The following SNX29 variants were observed in gnomAD, a reference collection of about 807,000 sequenced individuals.
SNX29 encodes sorting nexin-29.
SNX29 carries 78 observed loss-of-function variants against 102.1 expected under a neutral mutation model. That is an observed-to-expected ratio of 0.76 (90% CI 0.64 to 0.92). The LOEUF (loss-of-function observed/expected upper bound fraction) is 0.92. Ranked by LOEUF, SNX29 falls within the 40% of genes least tolerant of loss-of-function variation. The pLI, the probability that SNX29 is intolerant of heterozygous loss-of-function variation, is 0.00. For synonymous variants in SNX29, 580 were observed against 414.5 expected (o/e 1.40, Z -4.85); for missense variants, 1,280 against 1,061.7 (o/e 1.21, Z -2.86).
At position 12,570,299 on chromosome 16, in the gene SNX29, G is replaced by A. The variant is rs1342070573; in HGVS notation, c.*1670G>A. The stretch of plus-strand genomic sequence containing the variant: ...CCTGCAGTCAGTTTGCGAGTGTGGA[G>A]GACCCGAGACATCCTGTAAAGGCAA... On this transcript the variant is annotated 3_prime_UTR_variant, in exon 21 of 21. Coordinates refer to ENST00000566228, the MANE Select transcript of SNX29 (RefSeq NM_032167.5). 4.8e-6 allele frequency: 5 copies of A among 1,047,244 alleles called. No individual in the cohort carries two copies. The highest frequency in any genetic ancestry group is 5.8e-6 in the Non-Finnish European group (5 of 863,090). 64.9% of individuals were successfully genotyped at this position (1,047,244 alleles called of 1,614,324 possible). A position where few individuals can be genotyped will look rare whatever the true frequency, so the allele number is the denominator to read the frequency against.
chr16:12,546,623 G>A (rs1303464199), intron 20 of SNX29: 2 of 152,158 alleles, frequency 1.3e-5, no homozygotes, highest in African/African-American at 2.4e-5. Flanking sequence ...ATGCCAGATT[G>A]ATCTATTGAT....
rs747419582 is a variant in SNX29 at position 12,027,389 on chromosome 16, A to C, written c.192A>C (p.Ala64=). 6.2e-7 allele frequency: 1 copy of C among 1,614,080 alleles called. No individual in the cohort carries two copies. The highest frequency in any genetic ancestry group is 8.5e-7 in the Non-Finnish European group (1 of 1,180,000). ...GCTTGAAGAGGAGTCGAGGATTGGC[A>C]CTCACAGCGGCAGCGATCAAGCAGG... ...QHGLKRSRGL[A]LTAAAIKQAA... is the part of the protein sequence containing the mutation. The change falls in exon 4 of 21, where the codon GCA becomes GCC. Residue 64 remains alanine, a synonymous_variant. Coordinates refer to ENST00000566228, the MANE Select transcript of SNX29 (RefSeq NM_032167.5).
chr16:12,162,546 A>G (rs183884815), intron 13 of SNX29, among the ~76,000 whole-genome samples: 7 of 152,382 alleles, frequency 4.6e-5, no homozygotes, highest in Non-Finnish European at 7.3e-5. Context: ...GTGTTCCACT[A>G]AAACTTCATT....
chr16:12,243,141 C>T (rs557368158), intron 14 of SNX29, among the ~76,000 whole-genome samples: 5 of 152,376 alleles, frequency 3.3e-5, no homozygotes, highest in African/African-American at 1.2e-4. Flanking sequence ...CTCGCTCTTT[C>T]TGTATCTTTC....
intron 20 of SNX29, among the ~76,000 whole-genome samples, chr16:12,558,286 T>C (rs1196143361): frequency 2.0e-5 from 3 of 152,140 alleles, no homozygotes; most frequent in Admixed American, 6.5e-5. Flanking sequence ...GAGCCAGCTC[T>C]GAAACGCGAG....
chr16:12,309,621 T>G (rs1466096707), intron 15 of SNX29, among the ~76,000 whole-genome samples: 1 of 152,098 alleles, frequency 6.6e-6, no homozygotes, highest in Non-Finnish European at 1.5e-5. Context: ...CGTCACATAG[T>G]AGGTCTTTTC....
chr16:12,545,018 T>G (rs1179805440), intron 20 of SNX29, among the ~76,000 whole-genome samples: 3 of 152,172 alleles, frequency 2.0e-5, no homozygotes, highest in Admixed American at 6.5e-5. Flanking sequence ...GCAGCAGATG[T>G]CGGCTTCAGT....
intron 11 of SNX29, among the ~76,000 whole-genome samples, chr16:12,124,084 G>A (rs1422566447): frequency 3.9e-5 from 6 of 152,258 alleles, no homozygotes; most frequent in East Asian, 3.9e-4. Flanking sequence ...AAGCCCGGGC[G>A]CGGGGGCTCA....
In SNX29 at chr16:12,068,382, AGAGGCT is replaced by A. The variant is rs142649817; in HGVS notation, c.1244-670_1244-665del. Among the ~76,000 whole-genome samples the A allele has an allele frequency of 8.0e-3, 1,218 of 151,306 alleles. 19 individuals carry two copies. The highest frequency in any genetic ancestry group is 0.028 in the African/African-American group (1,159 of 41,256). The stretch of plus-strand genomic sequence containing the variant: ...ACCTGTAGTCCCTCCCAGGTACTTG[AGAGGCT>A]GAGGTGGGAGGACCACTGGAGCCTG... On this transcript the variant is annotated intron_variant, in intron 9 of 20. Transcript: ENST00000566228.
intron 18 of SNX29, among the ~76,000 whole-genome samples, chr16:12,427,115 G>A (rs971885029): frequency 1.3e-5 from 2 of 152,068 alleles, no homozygotes; most frequent in Non-Finnish European, 2.9e-5. Context: ...CATAGGAAAA[G>A]ACATGGAAAG....
intron 11 of SNX29, among the ~76,000 whole-genome samples, chr16:12,102,898 G>A (rs973935890): frequency 3.3e-5 from 5 of 152,148 alleles, no homozygotes; most frequent in African/African-American, 1.2e-4. Flanking sequence ...AAAATCACAA[G>A]CATTCCTATA....
At chr16:12,153,202 G>A (rs991561043) in intron 13 of SNX29, among the ~76,000 whole-genome samples, 6 of 152,196 alleles carry the variant, frequency 3.9e-5, no homozygotes, top group African/African-American at 1.4e-4. Context: ...GTTCGAGGTT[G>A]CAGTGAGCTG....
chr16:12,433,534 G>A (rs976866056), intron 18 of SNX29, among the ~76,000 whole-genome samples: 3 of 151,750 alleles, frequency 2.0e-5, no homozygotes, highest in Non-Finnish European at 4.4e-5. Flanking sequence ...AAGAGGCTGA[G>A]GCAGAAGAAT....
chr16:12,476,424 A>ACATG (rs1555548017), intron 18 of SNX29, among the ~76,000 whole-genome samples: 1 of 89,664 alleles, frequency 1.1e-5, no homozygotes, highest in Non-Finnish European at 2.3e-5. Context: ...ATATATATAT[A>ACATG]TATATATATA....
At chr16:12,038,300 T>TGTG (rs1033663593) in intron 4 of SNX29, among the ~76,000 whole-genome samples, 6 of 152,194 alleles carry the variant, frequency 3.9e-5, no homozygotes, top group African/African-American at 1.4e-4. Flanking sequence ...TTGTCTTCCT[T>TGTG]GTGGTCCCCA....
chr16:12,355,073 G>A (rs1486740604), intron 15 of SNX29, among the ~76,000 whole-genome samples: 1 of 152,146 alleles, frequency 6.6e-6, no homozygotes, highest in Non-Finnish European at 1.5e-5. Context: ...TTGTATTTCA[G>A]ATGAAGAATT....
intron 11 of SNX29, among the ~76,000 whole-genome samples, chr16:12,107,786 A>G (rs966790999): frequency 6.6e-6 from 1 of 152,176 alleles, no homozygotes; most frequent in Non-Finnish European, 1.5e-5. Flanking sequence ...ATTCTCAGAC[A>G]TCCTCCCCAG....
At chr16:12,354,595 G>T (rs996557585) in intron 15 of SNX29, among the ~76,000 whole-genome samples, 1 of 152,192 alleles carries the variant, frequency 6.6e-6, no homozygotes, top group African/African-American at 2.4e-5. Flanking sequence ...ACATTTTGTG[G>T]GGGCACATTG....
At chr16:12,477,678 T>C in intron 18 of SNX29, 41 bp from the exon 19 acceptor site, 1 of 1,597,818 alleles carries the variant, frequency 6.3e-7, no homozygotes, top group Non-Finnish European at 8.5e-7. Context: ...TCCTTTATAA[T>C]AAGGGTTTAA....
Sources: gnomAD v4.1 joint callset for allele counts (sites outside exome capture counted in the v4.1 genomes callset) on GRCh38, gnomAD v4.1.1 for gene constraint, MANE v1.5 for transcripts, NCBI Gene and HGNC (gene_info 2026-07-23, HGNC 2026-07-21) for gene names.